Variants in SLC29A3 observed in about 807,000 individuals in gnomAD.
The protein encoded by SLC29A3 is equilibrative nucleoside transporter 3.
Under a neutral mutation model 25.4 loss-of-function variants are expected in SLC29A3, and 18 were observed. The observed-to-expected ratio is 0.71, with a 90% confidence interval of 0.49 to 1.05. SLC29A3 has a LOEUF of 1.05. Among genes scored for constraint, SLC29A3 ranks in the 50% least tolerant of loss-of-function variants. The pLI, the probability that SLC29A3 is intolerant of heterozygous loss-of-function variation, is 0.00. For missense variants in SLC29A3, 586 were observed against 609.0 expected (o/e 0.96, Z 0.40); for synonymous variants, 258 against 267.1 (o/e 0.97, Z 0.33).
At chr10:71,361,818 C>T (rs753247379) in intron 5 of SLC29A3, 136 bp from the exon 6 acceptor site, 60 of 999,420 alleles carry the variant, frequency 6.0e-5, no homozygotes, top group South Asian at 1.7e-4. Context: ...TCTCAGGGAA[C>T]GCTGGAGCTG....
intron 2 of SLC29A3, among the ~76,000 whole-genome samples, chr10:71,329,298 G>A (rs1846063792): frequency 6.6e-6 from 1 of 152,018 alleles, no homozygotes; most frequent in Non-Finnish European, 1.5e-5. Context: ...GGGATCACCT[G>A]GGAAGCTTTT....
intron 5 of SLC29A3, among the ~76,000 whole-genome samples, chr10:71,359,061 G>T (rs994669868): frequency 1.1e-4 from 17 of 152,090 alleles, no homozygotes; most frequent in African/African-American, 3.9e-4. Context: ...GGCATGGGCT[G>T]CCACGCCCAG....
intron 4 of SLC29A3, among the ~76,000 whole-genome samples, chr10:71,376,289 C>G (rs1016703688): frequency 5.9e-5 from 9 of 152,198 alleles, no homozygotes; most frequent in African/African-American, 1.7e-4. Flanking sequence ...TGCCAGGCAC[C>G]TGGCTAAGAC....
chr10:71,343,258 G>T (rs1341905649), intron 2 of SLC29A3, among the ~76,000 whole-genome samples: 1 of 152,154 alleles, frequency 6.6e-6, no homozygotes, highest in African/African-American at 2.4e-5. Context: ...GAGTCACCAT[G>T]CCCAGCCTTG....
At chr10:71,340,983 C>T (rs2131821941) in intron 2 of SLC29A3, among the ~76,000 whole-genome samples, 1 of 152,312 alleles carries the variant, frequency 6.6e-6, no homozygotes, top group South Asian at 2.1e-4. Context: ...AGCTTTGCAG[C>T]AGCACACACG....
At position 71,332,143 on chromosome 10, in the gene SLC29A3, CT is replaced by C. The variant is rs200663755; in HGVS notation, c.300+9097del. On this transcript the variant is annotated intron_variant, in intron 2 of 5. Transcript: ENST00000373189. ...TTCTTTTTTCTTCTCTTTTCTTTTTCTTTTTTTTCTTTTTTTTTTTTTTGAG... is the reference window on the plus strand; with the variant it reads ...TTCTTTTTTCTTCTCTTTTCTTTTTCTTTTTTTCTTTTTTTTTTTTTTGAG... Among the ~76,000 whole-genome samples the C allele has an allele frequency of 3.0e-4, 37 of 123,930 alleles. No homozygotes were observed. The Middle Eastern group carries it at 0.011, about 38-fold the overall frequency. 81.3% of individuals were successfully genotyped at this position (123,930 alleles called of 152,430 possible). A position where few individuals can be genotyped will look rare whatever the true frequency, so the allele number is the denominator to read the frequency against.
intron 2 of SLC29A3, among the ~76,000 whole-genome samples, chr10:71,334,637 A>G (rs897879398): frequency 5.9e-5 from 9 of 152,178 alleles, no homozygotes; most frequent in African/African-American, 2.2e-4. Flanking sequence ...TCCATCTCTG[A>G]GTATTTGTGG....
At chr10:71,349,597 G>A (rs1846694778) in intron 3 of SLC29A3, among the ~76,000 whole-genome samples, 2 of 152,016 alleles carry the variant, frequency 1.3e-5, no homozygotes. Context: ...CAACCTGGCT[G>A]ACCACCTCCC....
intron 3 of SLC29A3, among the ~76,000 whole-genome samples, chr10:71,346,703 C>T (rs936316665): frequency 6.6e-6 from 1 of 152,106 alleles, no homozygotes; most frequent in Non-Finnish European, 1.5e-5. Context: ...AGGGAGGAGT[C>T]AGGATTTGAA....
At chr10:71,340,129 G>A (rs1425540295) in intron 2 of SLC29A3, among the ~76,000 whole-genome samples, 4 of 152,206 alleles carry the variant, frequency 2.6e-5, no homozygotes, top group African/African-American at 9.7e-5. Flanking sequence ...CTCCTGCTGG[G>A]GCAGAGAAAC....
At chr10:71,355,834 G>T (rs531814502) in intron 4 of SLC29A3, among the ~76,000 whole-genome samples, 1 of 152,328 alleles carries the variant, frequency 6.6e-6, no homozygotes, top group Non-Finnish European at 1.5e-5. Context: ...GCCACCTCAG[G>T]CAGCAGCCTC....
At chr10:71,324,329 T>C (rs1218694499) in intron 2 of SLC29A3, among the ~76,000 whole-genome samples, 2 of 152,228 alleles carry the variant, frequency 1.3e-5, no homozygotes, top group Non-Finnish European at 2.9e-5. Flanking sequence ...TTGTGAGTTG[T>C]GAAACCTGCA....
At position 71,363,164 on chromosome 10, in the gene SLC29A3, A is replaced by G; in HGVS notation, c.*556A>G. ...CAACTGCCCACTAACCAGACTGGAA[A>G]ACCCAGAAAGATGGGCCTTCCATGA... On this transcript the variant is annotated 3_prime_UTR_variant, in exon 6 of 6. Coordinates refer to ENST00000373189, the MANE Select transcript of SLC29A3 (RefSeq NM_018344.6). 1 of 443,582 alleles carries G rather than the reference A, an allele frequency of 2.3e-6. No individual in the cohort carries two copies. The highest frequency in any genetic ancestry group is 4.5e-6 in the Non-Finnish European group (1 of 221,544). The allele number at this position is 443,582 out of a possible 1,614,324, so 27.5% of individuals were successfully genotyped here. A position where few individuals can be genotyped will look rare whatever the true frequency, so the allele number is the denominator to read the frequency against.
At chr10:71,328,233 G>T (rs1846018038) in intron 2 of SLC29A3, among the ~76,000 whole-genome samples, 1 of 152,150 alleles carries the variant, frequency 6.6e-6, no homozygotes, top group Non-Finnish European at 1.5e-5. Flanking sequence ...TGATGCCCCT[G>T]TCCATCCCCC....
intron 3 of SLC29A3, among the ~76,000 whole-genome samples, chr10:71,370,410 G>A (rs1439535870): frequency 6.6e-6 from 1 of 152,234 alleles, no homozygotes; most frequent in Non-Finnish European, 1.5e-5. Context: ...TTGGGCTACT[G>A]TAAACCAGCT....
chr10:71,323,141 C>A, intron 2 of SLC29A3, 87 bp downstream of exon 2: 1 of 1,524,680 alleles, frequency 6.6e-7, no homozygotes, highest in Non-Finnish European at 9.0e-7. Context: ...ATTTCAGACA[C>A]ATTTCCAGCC....
chr10:71,351,491 TG>T, intron 3 of SLC29A3, 70 bp from the exon 4 acceptor site: 1 of 1,389,260 alleles, frequency 7.2e-7, no homozygotes, highest in Non-Finnish European at 1.0e-6. Context: ...TCCCTTAAGG[TG>T]GCTCACCAGC....
rs1846768684 is a variant in SLC29A3, at chr10:71,351,738, A to G, written c.560A>G (p.Tyr187Cys). 6.2e-7 allele frequency: 1 copy of G among 1,614,096 alleles called. No individual in the cohort carries two copies. Among genetic ancestry groups the G allele is most frequent in the Non-Finnish European group, 8.5e-7 (1 of 1,180,008 alleles). Residue 187 changes from tyrosine to cysteine, a missense_variant, in exon 4 of 6, where the codon TAC becomes TGC. Physicochemically the swap from Tyr to Cys is radical, Grantham distance 194. Transcript: ENST00000373189. The stretch of plus-strand genomic sequence containing the variant: ...TCCACTGTCTTCAGCAGCAGCATCT[A>G]CGGCATGACCGGCTCCTTTCCTATG... ...GASTVFSSSI[Y>C]GMTGSFPMRN...
At chr10:71,364,602 A>C (rs1246810451), downstream of SLC29A3, 1 of 152,180 alleles carries the variant, frequency 6.6e-6, no homozygotes, top group African/African-American at 2.4e-5. Context: ...TGGAGCCGTG[A>C]ATCAGCCCTT....
Sources: gnomAD v4.1 joint callset for allele counts (sites outside exome capture counted in the v4.1 genomes callset) on GRCh38, gnomAD v4.1.1 for gene constraint, MANE v1.5 for transcripts, NCBI Gene and HGNC (gene_info 2026-07-23, HGNC 2026-07-21) for gene names.